AK7: variants seen among roughly 807,000 people sequenced by gnomAD.
The protein encoded by AK7 is ATP-AMP transphosphorylase 7.
In AK7, 78 loss-of-function variants were observed where a neutral mutation model predicts 96.6. That is an observed-to-expected ratio of 0.81 (90% confidence interval 0.67 to 0.97). The LOEUF (loss-of-function observed/expected upper bound fraction) is 0.97. Among genes scored for constraint, AK7 ranks in the 50% least tolerant of loss-of-function variants. The pLI, the probability that AK7 is intolerant of heterozygous loss-of-function variation, is 0.00. For synonymous variants in AK7, 302 were observed against 317.2 expected, an observed-to-expected ratio of 0.95 and a Z score of 0.51; for missense variants, 855 against 887.9, an observed-to-expected ratio of 0.96 and a Z score of 0.47.
intron 15 of AK7, among the ~76,000 whole-genome samples, chr14:96,479,186 C>T (rs1895368760): frequency 6.6e-6 from 1 of 152,018 alleles, no homozygotes; most frequent in South Asian, 2.1e-4. Context: ...ACGCCATTCT[C>T]CTGCCTCAGC....
chr14:96,415,103 GA>G (rs756404837), intron 4 of AK7, among the ~76,000 whole-genome samples: 1 of 151,868 alleles, frequency 6.6e-6, no homozygotes. Context: ...GAAGAAATTT[GA>G]GGGGCTAAAA....
chr14:96,476,601 T>C (rs577111944), intron 14 of AK7, among the ~76,000 whole-genome samples: 1 of 151,364 alleles, frequency 6.6e-6, no homozygotes, highest in South Asian at 2.1e-4. Flanking sequence ...CAAGCAGAAA[T>C]CTATTACTCG....
chr14:96,407,675 G>A (rs1890798277), intron 3 of AK7, among the ~76,000 whole-genome samples: 2 of 148,742 alleles, frequency 1.3e-5, no homozygotes, highest in African/African-American at 2.5e-5. Flanking sequence ...TCCGCCTCCC[G>A]GGTACACGCC....
At chr14:96,455,729 C>T (rs1342599694) in intron 10 of AK7, among the ~76,000 whole-genome samples, 1 of 152,140 alleles carries the variant, frequency 6.6e-6, no homozygotes, top group African/African-American at 2.4e-5. Flanking sequence ...GTGGCCCTAT[C>T]CACCAGCCCC....
chr14:96,443,779 A>ATTTTTT (rs1566787949), intron 7 of AK7, among the ~76,000 whole-genome samples: 5 of 33,256 alleles, frequency 1.5e-4, no homozygotes, highest in African/African-American at 7.7e-4. Flanking sequence ...AAAAACTCAT[A>ATTTTTT]ATTTTTTTTT....
At chr14:96,447,903 C>T (rs201946266) in intron 8 of AK7, among the ~76,000 whole-genome samples, 14 of 152,002 alleles carry the variant, frequency 9.2e-5, no homozygotes, top group Admixed American at 4.6e-4. Context: ...CTGGCTACTC[C>T]CTATTCATTT....
intron 15 of AK7, among the ~76,000 whole-genome samples, chr14:96,481,386 A>G (rs1204155239): frequency 6.6e-6 from 1 of 152,180 alleles, no homozygotes; most frequent in African/African-American, 2.4e-5. Flanking sequence ...TCCCTCTGTC[A>G]CCCAGGCTGA....
chr14:96,432,984 G>A lies in AK7; in HGVS notation c.610-4851G>A, dbSNP rs187061711. ...ACTCCAGTCTGGGCGACAGAATGAT[G>A]TTGAATATTGGCCCCCACTCTCTTC... On this transcript the variant is annotated intron_variant, in intron 5 of 17. Transcript: ENST00000267584. Among the ~76,000 whole-genome samples the A allele has an allele frequency of 1.3e-3, 198 of 151,862 alleles. 3 individuals carry two copies. Among genetic ancestry groups the A allele is most frequent in the East Asian group, 9.6e-4 (5 of 5,188 alleles).
intron 16 of AK7, among the ~76,000 whole-genome samples, chr14:96,485,953 G>A (rs2140184936): frequency 6.6e-6 from 1 of 152,108 alleles, no homozygotes; most frequent in South Asian, 2.1e-4. Flanking sequence ...CCGCCACCGC[G>A]CCCGGTTAAT....
chr14:96,423,970 T>C lies in AK7; in HGVS notation c.609+3038T>C. On this transcript the variant is annotated intron_variant, in intron 5 of 17. Transcript: ENST00000267584. ...GTGGACCACCAGGAAATGATGCCAT[T>C]CCCTGTATTGGGGATCCTTCCTGCT... 5.2e-6 allele frequency: 5 copies of C among 957,282 alleles called. No individual in the cohort carries two copies. The Admixed American group carries it at 8.6e-5, about 16-fold the overall frequency. 59.3% of individuals were successfully genotyped at this position (957,282 alleles called of 1,614,324 possible).
At chr14:96,395,718 GAAAA>G (rs71103518) in intron 1 of AK7, among the ~76,000 whole-genome samples, 2 of 41,034 alleles carry the variant, frequency 4.9e-5, no homozygotes, top group East Asian at 2.3e-3. Flanking sequence ...CTTGTCTCTA[GAAAA>G]AAAAAAAAAA....
intron 12 of AK7, 66 bp downstream of exon 12, chr14:96,458,278 T>G: frequency 6.4e-7 from 1 of 1,559,834 alleles, no homozygotes; most frequent in Non-Finnish European, 8.7e-7. Flanking sequence ...AAAATCTGGT[T>G]ATAAAAGACT....
chr14:96,410,183 G>A (rs1404835878), intron 4 of AK7, among the ~76,000 whole-genome samples: 2 of 152,072 alleles, frequency 1.3e-5, no homozygotes, highest in African/African-American at 4.8e-5. Flanking sequence ...TTGAGGGCAG[G>A]GACCACAGGT....
chr14:96,442,600 A>T lies in AK7; in HGVS notation c.691-130A>T. 5.3e-6 allele frequency: 4 copies of T among 750,878 alleles called. No homozygotes were observed. The South Asian group carries it at 6.1e-5, about 12-fold the overall frequency. 46.5% of individuals were successfully genotyped at this position (750,878 alleles called of 1,614,324 possible). On this transcript the variant is annotated intron_variant, in intron 6 of 17. Transcript: ENST00000267584. ...TCTCATCAGGGCTGATTTATAAAAC[A>T]CCCCCTAGAGGAAATTACTTAAGCA...
At chr14:96,468,365 G>A (rs528431918) in intron 12 of AK7, among the ~76,000 whole-genome samples, 15 of 141,712 alleles carry the variant, frequency 1.1e-4, no homozygotes, top group African/African-American at 4.1e-4. Flanking sequence ...GCGCGATCTC[G>A]GCTCACTGCA....
intron 14 of AK7, among the ~76,000 whole-genome samples, chr14:96,477,985 C>T (rs538062994): frequency 6.6e-5 from 10 of 152,124 alleles, no homozygotes; most frequent in Admixed American, 4.6e-4. Flanking sequence ...GAGATCAGCC[C>T]GCACATAGTA....
intron 16 of AK7, among the ~76,000 whole-genome samples, chr14:96,485,358 CAG>C (rs2140183547): frequency 6.6e-6 from 1 of 152,218 alleles, no homozygotes; most frequent in African/African-American, 2.4e-5. Context: ...TCAATAGAAA[CAG>C]GAACGGCTCC....
At position 96,472,669 on chromosome 14, in the gene AK7, A is replaced by C. The variant is rs1376300294; in HGVS notation, c.1487-18A>C. On this transcript the variant is annotated intron_variant, in intron 13 of 17. Coordinates refer to ENST00000267584, the MANE Select transcript of AK7 (RefSeq NM_152327.5). The stretch of plus-strand genomic sequence containing the variant: ...TAATATATTAATAAACACAATGAGG[A>C]ATATTTTGTTTTCTTAGAGGAAGAT... 1 of 1,597,942 alleles carries C rather than the reference A, an allele frequency of 6.3e-7. No individual in the cohort carries two copies. The highest frequency in any genetic ancestry group is 8.6e-7 in the Non-Finnish European group (1 of 1,165,700).
chr14:96,442,178 C>A (rs1173357125), intron 6 of AK7, among the ~76,000 whole-genome samples: 3 of 152,190 alleles, frequency 2.0e-5, no homozygotes, highest in African/African-American at 7.2e-5. Flanking sequence ...AGGATTTGGA[C>A]TCTGAGGATC....
Sources: gnomAD v4.1 joint callset for allele counts (sites outside exome capture counted in the v4.1 genomes callset) on GRCh38, gnomAD v4.1.1 for gene constraint, MANE v1.5 for transcripts, NCBI Gene and HGNC (gene_info 2026-07-23, HGNC 2026-07-21) for gene names.